IL10RA: variants seen among roughly 807,000 people sequenced by gnomAD.
IL10RA encodes interleukin-10 receptor subunit alpha.
IL10RA carries 18 observed loss-of-function variants against 29.6 expected under a neutral mutation model. That is an observed-to-expected ratio of 0.61 (90% CI 0.42 to 0.90). The LOEUF (loss-of-function observed/expected upper bound fraction) is 0.90. IL10RA is among the 40% of genes least tolerant of loss of function. The probability of loss-of-function intolerance (pLI) is 0.00; values close to 1 mark genes in which losing one functional copy is unlikely to be tolerated. For synonymous variants in IL10RA, 292 were observed against 294.1 expected (o/e 0.99, Z 0.07); for missense variants, 634 against 716.6 (o/e 0.88, Z 1.32).
At position 117,999,312 on chromosome 11, in the gene IL10RA, A is replaced by G. The variant is rs528243258; in HGVS notation, c.1408A>G (p.Thr470Ala). The G allele has an allele frequency of 1.2e-6, 2 of 1,614,084 alleles. No individual in the cohort carries two copies. The highest frequency in any genetic ancestry group is 1.7e-6 in the Non-Finnish European group (2 of 1,180,038). The change falls in exon 7 of 7, where the codon ACA (threonine) becomes GCA (alanine). Residue 470 changes from threonine (T) to alanine (A), a missense_variant. Transcript: ENST00000227752. ...TGCLEEESPL[T>A]DGLGPKFGRC... ...CTGCCTGGAGGAAGAATCGCCCTTG[A>G]CAGATGGCCTTGGCCCCAAATTCGG...
chr11:117,986,579 G>T (rs757071429), intron 1 of IL10RA, 45 bp downstream of exon 1: 2 of 1,548,516 alleles, frequency 1.3e-6, no homozygotes. Context: ...CCCTCTCCGC[G>T]CCCGCTCCAT....
At position 117,997,709 on chromosome 11, in the gene IL10RA, A is replaced by G. The variant is rs551764128; in HGVS notation, c.811-1006A>G. 2.0e-5 allele frequency among the ~76,000 whole-genome samples: 3 copies of G among 152,298 alleles called. No individual in the cohort carries two copies. In the East Asian group the frequency reaches 5.8e-4, roughly 29 times the overall value. ...TCAAGGAGTTTGTGTTCTTTTGGGA[A>G]TGTGGAGTAAGTGAGTGTGTGTATG... is the stretch of plus-strand genomic sequence containing the variant. On this transcript the variant is annotated intron_variant, in intron 6 of 6. Coordinates refer to ENST00000227752, the MANE Select transcript of IL10RA (RefSeq NM_001558.4).
downstream of IL10RA, chr11:118,002,219 G>A (rs1418826239): frequency 3.9e-5 from 6 of 152,228 alleles, no homozygotes; most frequent in East Asian, 1.9e-4. Context: ...ACCCAGGCCC[G>A]CGGCCTGAGC....
chr11:117,988,934 C>T (rs1013251283), intron 2 of IL10RA, among the ~76,000 whole-genome samples: 11 of 152,116 alleles, frequency 7.2e-5, no homozygotes, highest in Admixed American at 2.0e-4. Flanking sequence ...CTAATGTTTG[C>T]ATTTTTAGTA....
rs1466550824 is a variant in IL10RA, at chr11:117,998,948, G to A, written c.1044G>A (p.Leu348=). 3.1e-6 allele frequency: 5 copies of A among 1,613,472 alleles called. No individual in the cohort carries two copies. The highest frequency in any genetic ancestry group is 1.7e-5 in the Admixed American group (1 of 60,012). ...CTCACCCCCAGGCTGACAGAACGCT[G>A]GGAAACAGGGAGCCCCCTGTGCTGG... is the stretch of plus-strand genomic sequence containing the variant. The part of the protein sequence containing the change: ...PDPHPQADRT[L]GNREPPVLGD... Residue 348 remains leucine (L), a synonymous_variant, in exon 7 of 7, where the codon CTG becomes CTA. Coordinates refer to ENST00000227752, the MANE Select transcript of IL10RA (RefSeq NM_001558.4).
chr11:117,996,797 G>A (rs1444633331), intron 6 of IL10RA, among the ~76,000 whole-genome samples: 1 of 152,192 alleles, frequency 6.6e-6, no homozygotes, highest in Non-Finnish European at 1.5e-5. Context: ...TGACCAGGCT[G>A]GTCTCGAACT....
intron 4 of IL10RA, 69 bp from the exon 5 acceptor site, chr11:117,993,930 C>A: frequency 7.0e-7 from 1 of 1,427,394 alleles, no homozygotes; most frequent in Non-Finnish European, 9.9e-7. Context: ...TCTAAAGGCC[C>A]ACCAGCTCTC....
In IL10RA at chr11:118,000,889, G is replaced by T. The variant is rs1308048396; in HGVS notation, c.*1248G>T. ...ACAGTATCAGACACAGCCCCAGAAG[G>T]GGGCATTATGGGCCCTGCCTCCCCA... On this transcript the variant is annotated 3_prime_UTR_variant, in exon 7 of 7. Coordinates refer to ENST00000227752, the MANE Select transcript of IL10RA (RefSeq NM_001558.4). 6.6e-6 allele frequency: 3 copies of T among 454,238 alleles called. No individual in the cohort carries two copies. The highest frequency in any genetic ancestry group is 2.3e-5 in the Admixed American group (1 of 42,572). 28.1% of individuals were successfully genotyped at this position (454,238 alleles called of 1,614,324 possible).
At chr11:117,993,849 G>T in intron 4 of IL10RA, 150 bp from the exon 5 acceptor site, 1 of 703,932 alleles carries the variant, frequency 1.4e-6, no homozygotes, top group South Asian at 1.5e-5. Flanking sequence ...CAGAGATCAT[G>T]TGCTGCATTG....
At position 117,986,673 on chromosome 11, in the gene IL10RA, C is replaced by T. The variant is rs540712256; in HGVS notation, c.67+139C>T. 8,176 of 1,536,116 alleles carry T rather than the reference C, an allele frequency of 5.3e-3. 23 individuals are homozygous for T. The highest frequency in any genetic ancestry group is 6.5e-3 in the Non-Finnish European group (7,459 of 1,146,396). ...CGGGTGCTCCCTTACTCTGGCAAAC[C>T]TGGATCTCAGGCTCACCTGTTGTGG... On this transcript the variant is annotated intron_variant, in intron 1 of 6. Coordinates refer to ENST00000227752, the MANE Select transcript of IL10RA (RefSeq NM_001558.4).
At position 117,989,004 on chromosome 11, in the gene IL10RA, A is replaced by T. The variant is rs1419527786; in HGVS notation, c.189-438A>T. On this transcript the variant is annotated intron_variant, in intron 2 of 6. Coordinates refer to ENST00000227752, the MANE Select transcript of IL10RA (RefSeq NM_001558.4). This position sits in a 1 kb window ranked among gnomAD's most constrained non-coding sequence, Gnocchi z 4.5. ...TCGAACTCCTGACTTCAGGTGATCC[A>T]CCCGCCTCAGCCTCCCAAAGGGCTG... Among the ~76,000 whole-genome samples the T allele has an allele frequency of 6.6e-6, 1 of 152,000 alleles. No homozygotes were observed. Among genetic ancestry groups the T allele is most frequent in the East Asian group, 1.9e-4 (1 of 5,168 alleles).
chr11:117,993,517 G>T, intron 4 of IL10RA, 107 bp downstream of exon 4: 1 of 984,168 alleles, frequency 1.0e-6, no homozygotes, highest in Non-Finnish European at 1.6e-6. Flanking sequence ...TGGACTAAAG[G>T]GAGGGTCTGG....
In IL10RA at chr11:117,999,260, T is replaced by C. The variant is rs1478409976; in HGVS notation, c.1356T>C (p.Cys452=). The change falls in exon 7 of 7, where the codon TGT becomes TGC. Residue 452 remains cysteine, a synonymous_variant. Transcript: ENST00000227752. ...AFQGYLRQTR[C]AEEKATKTGC... is the part of the protein sequence containing the mutation. ...AGGGTTACCTGAGGCAGACCAGATG[T>C]GCTGAAGAGAAGGCAACCAAGACAG... The C allele has an allele frequency of 6.2e-7, 1 of 1,614,212 alleles. No homozygotes were observed. Among genetic ancestry groups the C allele is most frequent in the Non-Finnish European group, 8.5e-7 (1 of 1,180,034 alleles).
intron 4 of IL10RA, 133 bp downstream of exon 4, chr11:117,993,543 G>A (rs552856601): frequency 1.2e-6 from 1 of 803,910 alleles, no homozygotes; most frequent in East Asian, 2.6e-5. Flanking sequence ...TGGGTGGGCA[G>A]AGGAGGGAGT....
chr11:117,995,672 C>T lies in IL10RA; in HGVS notation c.772C>T (p.Leu258=), dbSNP rs749654078. ...CCTCGCCTACTGCCTGGCCCTCCAG[C>T]TGTATGTGCGGCGCCGAAAGAAGCT... is the stretch of plus-strand genomic sequence containing the variant. ...GALAYCLALQ[L]YVRRRKKLPS... Residue 258 remains leucine, a synonymous_variant, in exon 6 of 7, where the codon CTG becomes TTG. Coordinates refer to ENST00000227752, the MANE Select transcript of IL10RA (RefSeq NM_001558.4). 1.9e-6 allele frequency: 3 copies of T among 1,614,096 alleles called. No individual in the cohort carries two copies. Among genetic ancestry groups the T allele is most frequent in the Non-Finnish European group, 2.5e-6 (3 of 1,180,024 alleles).
chr11:117,994,392 T>A (rs1366745556), intron 5 of IL10RA, among the ~76,000 whole-genome samples: 1 of 152,184 alleles, frequency 6.6e-6, no homozygotes, highest in Non-Finnish European at 1.5e-5. Flanking sequence ...CCAGGTCTCT[T>A]GGATCTAGGG....
intron 3 of IL10RA, among the ~76,000 whole-genome samples, chr11:117,992,092 A>T (rs961159389): frequency 6.6e-6 from 1 of 152,162 alleles, no homozygotes; most frequent in Non-Finnish European, 1.5e-5. Flanking sequence ...TACCACATTT[A>T]AAAAACCCAT....
intron 3 of IL10RA, among the ~76,000 whole-genome samples, chr11:117,990,939 G>C (rs745812797): frequency 2.6e-5 from 4 of 152,174 alleles, no homozygotes; most frequent in African/African-American, 9.7e-5. Context: ...GCTCACGGCT[G>C]TAATCCCAGC....
At chr11:117,992,956 TC>T (rs2058033021) in intron 3 of IL10RA, 2 of 452,986 alleles carry the variant, frequency 4.4e-6, no homozygotes, top group Non-Finnish European at 8.1e-6. Flanking sequence ...ACTGTTCTTT[TC>T]CCATTGTGTG....
Sources: gnomAD v4.1 joint callset for allele counts (sites outside exome capture counted in the v4.1 genomes callset) on GRCh38, gnomAD v4.1.1 for gene constraint, Gnocchi (gnomAD v3.1) non-coding constraint, MANE v1.5 for transcripts, NCBI Gene and HGNC (gene_info 2026-07-23, HGNC 2026-07-21) for gene names.